Variants in CPED1 observed in about 807,000 individuals in gnomAD.
CPED1 encodes cadherin-like and PC-esterase domain-containing protein 1.
A neutral mutation model predicts 128.2 loss-of-function variants in CPED1; 114 were observed. That is an observed-to-expected ratio of 0.89 (90% confidence interval 0.76 to 1.04). The LOEUF is 1.04. CPED1 is among the 50% of genes least tolerant of loss of function. The pLI is 0.00. For missense variants in CPED1, 1,211 were observed against 1,207.1 expected, an observed-to-expected ratio of 1.00 and a Z score of -0.05; for synonymous variants, 462 against 426.7, an observed-to-expected ratio of 1.08 and a Z score of -1.02.
At chr7:121,099,863 T>A (rs1291622092) in intron 6 of CPED1, 63 bp from the exon 7 acceptor site, 10 of 1,538,684 alleles carry the variant, frequency 6.5e-6, no homozygotes, top group Non-Finnish European at 8.8e-6. Flanking sequence ...TTGTAGGTAA[T>A]TTACAAATTA....
rs138032372 is a variant in CPED1 at position 121,242,897 on chromosome 7, A to G, written c.2174-1305A>G. ...TTTCTGTGTTCAATCAGTAAGAGCCATAAACTATATCATCTTTCATATTTT... is the reference window on the plus strand; with the variant it reads ...TTTCTGTGTTCAATCAGTAAGAGCCGTAAACTATATCATCTTTCATATTTT... On this transcript the variant is annotated intron_variant, in intron 17 of 22. Coordinates refer to ENST00000310396, the MANE Select transcript of CPED1 (RefSeq NM_024913.5). 1.8e-3 allele frequency among the ~76,000 whole-genome samples: 274 copies of G among 152,230 alleles called. 1 individual carries two copies. The highest frequency in any genetic ancestry group is 6.4e-3 in the African/African-American group (265 of 41,568).
At chr7:121,165,262 T>G (rs746926941) in intron 16 of CPED1, among the ~76,000 whole-genome samples, 12 of 152,160 alleles carry the variant, frequency 7.9e-5, no homozygotes, top group Non-Finnish European at 1.3e-4. Flanking sequence ...AAACTTCACT[T>G]AAGTATCCAG....
chr7:121,060,283 G>C (rs1313374787), intron 4 of CPED1, among the ~76,000 whole-genome samples: 1 of 152,234 alleles, frequency 6.6e-6, no homozygotes, highest in Non-Finnish European at 1.5e-5. Flanking sequence ...GCTCCACGGC[G>C]CCCAGTCCCA....
chr7:121,264,326 G>A (rs1792081566), intron 18 of CPED1, among the ~76,000 whole-genome samples: 1 of 152,026 alleles, frequency 6.6e-6, no homozygotes, highest in African/African-American at 2.4e-5. Flanking sequence ...ATTATACAGT[G>A]TTCTTCTTTA....
chr7:121,166,465 T>C (rs1374737764), intron 16 of CPED1, among the ~76,000 whole-genome samples: 1 of 152,198 alleles, frequency 6.6e-6, no homozygotes, highest in Non-Finnish European at 1.5e-5. Flanking sequence ...ACATTTTAAA[T>C]GATTCCAGTT....
intron 18 of CPED1, among the ~76,000 whole-genome samples, chr7:121,251,579 C>T (rs946480026): frequency 2.6e-5 from 4 of 152,182 alleles, no homozygotes; most frequent in African/African-American, 9.7e-5. Flanking sequence ...ATTGTCTCAG[C>T]CCAAAATCTC....
intron 16 of CPED1, among the ~76,000 whole-genome samples, chr7:121,206,227 C>T (rs1175980717): frequency 6.6e-6 from 1 of 151,972 alleles, no homozygotes; most frequent in African/African-American, 2.4e-5. Context: ...GACATTTTCT[C>T]AATAAGTTTT....
intron 16 of CPED1, among the ~76,000 whole-genome samples, chr7:121,150,767 T>C (rs1796139665): frequency 6.6e-6 from 1 of 151,336 alleles, no homozygotes; most frequent in African/African-American, 2.4e-5. Context: ...TTATTATTAT[T>C]ATTATTATTA....
rs74447451 is a variant in CPED1 at position 120,993,476 on chromosome 7, T to G, written c.249+3606T>G. On this transcript the variant is annotated intron_variant, in intron 2 of 22. Coordinates refer to ENST00000310396, the MANE Select transcript of CPED1 (RefSeq NM_024913.5). ...CTTCTCTTTAAATGACCATTCTATA[T>G]GACATCTACTTTCTCAAGGATCAAA... Among the ~76,000 whole-genome samples, 5 of 152,354 alleles carry G rather than the reference T, an allele frequency of 3.3e-5. No homozygotes were observed. The East Asian group carries it at 7.7e-4, about 24-fold the overall frequency.
At chr7:121,240,517 T>G (rs560993344) in intron 17 of CPED1, among the ~76,000 whole-genome samples, 1 of 152,280 alleles carries the variant, frequency 6.6e-6, no homozygotes, top group Admixed American at 6.5e-5. Flanking sequence ...GCTCGCTAAG[T>G]AAATTCAGCT....
Position 121,295,815 on chromosome 7 carries a change from A to G in CPED1, c.*163A>G, listed in dbSNP as rs1348761270. On this transcript the variant is annotated 3_prime_UTR_variant, in exon 23 of 23. Transcript: ENST00000310396. ...CCAGTACACACACAGTTAAATAATG[A>G]TAACACTTCTTACAGCTTTATGAAT... 5.3e-6 allele frequency: 3 copies of G among 565,390 alleles called. No individual in the cohort carries two copies. The highest frequency in any genetic ancestry group is 9.4e-6 in the Non-Finnish European group (3 of 318,186). The allele number at this position is 565,390 out of a possible 1,614,324, so 35.0% of individuals were successfully genotyped here.
At chr7:121,225,579 A>G (rs985697930) in intron 16 of CPED1, among the ~76,000 whole-genome samples, 4 of 152,132 alleles carry the variant, frequency 2.6e-5, no homozygotes, top group Non-Finnish European at 5.9e-5. Flanking sequence ...GTGTTTTCCA[A>G]TTTGGTTCCA....
chr7:121,244,384 G>A (rs1459238342), intron 18 of CPED1, 46 bp downstream of exon 18: 1 of 1,606,666 alleles, frequency 6.2e-7, no homozygotes, highest in East Asian at 2.2e-5. Context: ...TATGCCACCT[G>A]AAGTACTAAA....
At chr7:121,092,695 G>A (rs577571425) in intron 5 of CPED1, among the ~76,000 whole-genome samples, 1 of 152,124 alleles carries the variant, frequency 6.6e-6, no homozygotes, top group Non-Finnish European at 1.5e-5. Context: ...TAGTTAGGGG[G>A]TAGGAGCTTG....
intron 2 of CPED1, among the ~76,000 whole-genome samples, chr7:120,999,384 T>A (rs1026313145): frequency 1.3e-5 from 2 of 152,176 alleles, no homozygotes; most frequent in African/African-American, 4.8e-5. Context: ...CCTATAAACA[T>A]TCTCAAGTAT....
intron 4 of CPED1, among the ~76,000 whole-genome samples, chr7:121,053,787 AT>A (rs1181976329): frequency 6.6e-6 from 1 of 152,182 alleles, no homozygotes; most frequent in East Asian, 1.9e-4. Flanking sequence ...GAATTTATTT[AT>A]TCAATAATTT....
chr7:121,015,516 CCT>C, intron 2 of CPED1, 147 bp from the exon 3 acceptor site: 2 of 657,828 alleles, frequency 3.0e-6, no homozygotes, highest in Non-Finnish European at 2.5e-6. Flanking sequence ...TCATCTTTGT[CCT>C]TGTCAGCCTT....
chr7:121,200,057 CTACCATAT>C (rs558416234), intron 16 of CPED1, among the ~76,000 whole-genome samples: 125 of 152,158 alleles, frequency 8.2e-4, no homozygotes, highest in African/African-American at 3.0e-3. Flanking sequence ...TGGCTCATTA[CTACCATAT>C]TGGGCAGCAC....
At chr7:121,261,513 C>A in intron 18 of CPED1, 11 of 1,406,672 alleles carry the variant, frequency 7.8e-6, no homozygotes, top group African/African-American at 1.4e-5. Context: ...TGTCTCCTGA[C>A]ATTAGGTATT....
Sources: gnomAD v4.1 joint callset for allele counts (sites outside exome capture counted in the v4.1 genomes callset) on GRCh38, gnomAD v4.1.1 for gene constraint, MANE v1.5 for transcripts, NCBI Gene and HGNC (gene_info 2026-07-23, HGNC 2026-07-21) for gene names.